The following HDAC8 variants were observed in gnomAD, a reference collection of about 807,000 sequenced individuals.
HDAC8 encodes the protein histone deacetylase 8.
A neutral mutation model predicts 32.2 loss-of-function variants in HDAC8; 1 was observed. The observed-to-expected ratio is 0.03, with a 90% CI of 0.01 to 0.15. The LOEUF (loss-of-function observed/expected upper bound fraction) is 0.15, where lower values mean the gene tolerates loss of function less well. Ranked by LOEUF, HDAC8 falls within the 10% of genes least tolerant of loss-of-function variation. The probability of loss-of-function intolerance (pLI) is 1.00; values close to 1 mark genes in which losing one functional copy is unlikely to be tolerated. For missense variants in HDAC8, 117 were observed against 300.0 expected (o/e 0.39, Z 4.51); for synonymous variants, 108 against 113.9 (o/e 0.95, Z 0.33).
chrX:72,339,385 C>T (rs1391583099), intron 10 of HDAC8, among the ~76,000 whole-genome samples: 2 of 112,322 alleles, frequency 1.8e-5, no homozygotes, highest in Admixed American at 9.4e-5. Flanking sequence ...TATATGGAGG[C>T]AAACACATTA....
At position 72,416,817 on chromosome X, in the gene HDAC8, C is replaced by T. The variant is rs782247743; in HGVS notation, c.1005+45187G>A. 1.4e-3 allele frequency among the ~76,000 whole-genome samples: 148 copies of T among 109,438 alleles called. 2 individuals are homozygous for T. The highest frequency in any genetic ancestry group is 4.8e-3 in the African/African-American group (145 of 30,245). ...TCCATGTATTATTTAGAAGTGCATT[C>T]TTTAGTTTCTAAGTGTTTGGCAATT... On this transcript the variant is annotated intron_variant, in intron 9 of 10. Transcript: ENST00000373573.
intron 7 of HDAC8, among the ~76,000 whole-genome samples, chrX:72,478,740 G>A (rs782382927): frequency 3.9e-5 from 4 of 101,922 alleles, no homozygotes; most frequent in South Asian, 4.8e-4. Flanking sequence ...TGTAACCTCC[G>A]CCTCCTGGGT....
intron 9 of HDAC8, among the ~76,000 whole-genome samples, chrX:72,417,313 T>C (rs2046371477): frequency 9.0e-6 from 1 of 111,678 alleles, no homozygotes. Flanking sequence ...GCAGATGATA[T>C]GATTCTATAC....
intron 10 of HDAC8, among the ~76,000 whole-genome samples, chrX:72,338,960 G>A (rs1302542637): frequency 9.1e-6 from 1 of 109,560 alleles, no homozygotes; most frequent in African/African-American, 3.3e-5. Flanking sequence ...ATCATAAGCA[G>A]CAATAATAAT....
chrX:72,549,607 G>A (rs1556064341), intron 4 of HDAC8, among the ~76,000 whole-genome samples: 2 of 111,382 alleles, frequency 1.8e-5, no homozygotes, highest in African/African-American at 3.3e-5. Context: ...CCTGGTCTGG[G>A]CCCTATTATC....
chrX:72,464,479 C>G, intron 8 of HDAC8, 80 bp downstream of exon 8: 1 of 859,756 alleles, frequency 1.2e-6, no homozygotes, highest in Non-Finnish European at 1.7e-6. Context: ...TGCAAGAAAG[C>G]CAAGTTTTCC....
At position 72,479,748 on chromosome X, in the gene HDAC8, G is replaced by A. The variant is rs180918864; in HGVS notation, c.737+9185C>T. Among the ~76,000 whole-genome samples, 18 of 112,592 alleles carry A rather than the reference G, an allele frequency of 1.6e-4. No homozygotes were observed. The Admixed American group carries it at 1.7e-3, about 11-fold the overall frequency. ...AACAGTCATAAAAGACATCAGTTGA[G>A]AGAGGAAGGAGAATATAAGAACTGT... On this transcript the variant is annotated intron_variant, in intron 7 of 10. Coordinates refer to ENST00000373573, the MANE Select transcript of HDAC8 (RefSeq NM_018486.3).
chrX:72,568,089 G>T (rs1416765599), intron 3 of HDAC8, 59 bp from the exon 4 acceptor site: 4 of 1,092,105 alleles, frequency 3.7e-6, no homozygotes, highest in Non-Finnish European at 5.0e-6. Context: ...AGGAGGAATA[G>T]GTTGAGGTGT....
intron 9 of HDAC8, among the ~76,000 whole-genome samples, chrX:72,407,612 C>T (rs1003684224): frequency 2.7e-5 from 3 of 111,216 alleles, no homozygotes; most frequent in Non-Finnish European, 3.8e-5. Flanking sequence ...TGACAGAAGC[C>T]GAAGTTGGAG....
Position 72,557,128 on chromosome X carries a change from G to A in HDAC8, c.437+10761C>T, listed in dbSNP as rs189608005. Among the ~76,000 whole-genome samples the A allele has an allele frequency of 4.1e-4, 46 of 111,183 alleles. No individual in the cohort carries two copies. In the East Asian group the frequency reaches 9.7e-3, roughly 23 times the overall value. ...TGAGGAAGGAGAATGGCGTGAACCC[G>A]GGAGGCGGAGCTTGCAGTGAGCTGA... is the stretch of plus-strand genomic sequence containing the variant. On this transcript the variant is annotated intron_variant, in intron 4 of 10. Transcript: ENST00000373573.
chrX:72,572,020 C>G lies in HDAC8; in HGVS notation c.164+37G>C, dbSNP rs1381750282. 5.3e-6 allele frequency: 6 copies of G among 1,123,817 alleles called. No individual in the cohort carries two copies. The Admixed American group carries it at 1.1e-4, about 21-fold the overall frequency. The allele number at this position is 1,123,817 out of a possible 1,213,427, so 92.6% of individuals were successfully genotyped here. A position where few individuals can be genotyped will look rare whatever the true frequency, so the allele number is the denominator to read the frequency against. On this transcript the variant is annotated intron_variant, in intron 2 of 10. Coordinates refer to ENST00000373573, the MANE Select transcript of HDAC8 (RefSeq NM_018486.3). The stretch of plus-strand genomic sequence containing the variant: ...AAGCAGGATATTAAGGCTACGAACA[C>G]CTAGCTTCAGGGCTATGTTCAAGAA...
In HDAC8 at chrX:72,480,485, T is replaced by C. The variant is rs189649399; in HGVS notation, c.737+8448A>G. 5 of 314,491 alleles carry C rather than the reference T, an allele frequency of 1.6e-5. No homozygotes were observed. In the East Asian group the frequency reaches 4.0e-4, roughly 25 times the overall value. The allele number at this position is 314,491 out of a possible 1,213,427, so 25.9% of individuals were successfully genotyped here. On this transcript the variant is annotated intron_variant, in intron 7 of 10. Transcript: ENST00000373573. ...GGAGTGTAAATTAGTTCAACCATTGTGGAAGACAGTGTTGCGATTCCTCAA... is the reference window on the plus strand; with the variant it reads ...GGAGTGTAAATTAGTTCAACCATTGCGGAAGACAGTGTTGCGATTCCTCAA...
chrX:72,329,554 A>T lies in HDAC8; in HGVS notation c.*500T>A. 1.3e-6 allele frequency: 1 copy of T among 742,713 alleles called. No individual in the cohort carries two copies. Among genetic ancestry groups the T allele is most frequent in the Non-Finnish European group, 2.0e-6 (1 of 510,635 alleles). The allele number at this position is 742,713 out of a possible 1,213,427, so 61.2% of individuals were successfully genotyped here. A position where few individuals can be genotyped will look rare whatever the true frequency, so the allele number is the denominator to read the frequency against. ...ATTTTATTAAAAAAACCAAAGATATATAACACTAAAACAACACCAGCGGAC... is the reference window on the plus strand; with the variant it reads ...ATTTTATTAAAAAAACCAAAGATATTTAACACTAAAACAACACCAGCGGAC... On this transcript the variant is annotated 3_prime_UTR_variant, in exon 11 of 11. Transcript: ENST00000373573.
At chrX:72,478,202 A>G (rs1402735704) in intron 7 of HDAC8, among the ~76,000 whole-genome samples, 2 of 112,503 alleles carry the variant, frequency 1.8e-5, no homozygotes, top group African/African-American at 6.5e-5. Context: ...CCACTTACAT[A>G]CAAATAATTG....
chrX:72,418,031 CCTAT>C (rs1362623311), intron 9 of HDAC8, among the ~76,000 whole-genome samples: 2 of 111,324 alleles, frequency 1.8e-5, no homozygotes, highest in African/African-American at 6.5e-5. Flanking sequence ...AAATTGGACC[CCTAT>C]CTGTCACCAT....
intron 4 of HDAC8, among the ~76,000 whole-genome samples, chrX:72,515,121 C>T (rs542934677): frequency 9.0e-6 from 1 of 111,211 alleles, no homozygotes; most frequent in East Asian, 2.9e-4. Context: ...ATTATAGCCA[C>T]ATTGTTGTAC....
At chrX:72,559,674 G>A (rs1411483237) in intron 4 of HDAC8, among the ~76,000 whole-genome samples, 4 of 106,511 alleles carry the variant, frequency 3.8e-5, no homozygotes, top group African/African-American at 1.0e-4. Flanking sequence ...GAGCACCTCT[G>A]CCCCGCCACC....
At chrX:72,552,119 A>G (rs142601950) in intron 4 of HDAC8, among the ~76,000 whole-genome samples, 1,436 of 112,245 alleles carry the variant, frequency 0.013, 24 homozygotes, top group African/African-American at 0.044. Flanking sequence ...ACGTTAGAGA[A>G]AATATAGGAA....
chrX:72,466,975 C>G (rs1555994975), intron 7 of HDAC8: 3 of 111,847 alleles, frequency 2.7e-5, no homozygotes. Flanking sequence ...AAAAGATTAT[C>G]TGCTGCATGA....
Sources: allele counts gnomAD v4.1 joint callset (sites outside exome capture counted in the v4.1 genomes callset), GRCh38; gene constraint gnomAD v4.1.1; transcripts MANE v1.5; gene names NCBI Gene and HGNC (gene_info 2026-07-23, HGNC 2026-07-21).